The following TRIM32 variants were observed in gnomAD, a reference collection of about 807,000 sequenced individuals.
TRIM32 encodes tripartite motif containing 32, also known as E3 ubiquitin-protein ligase TRIM32.
Under a neutral mutation model 36.0 loss-of-function variants are expected in TRIM32, and 19 were observed. The observed-to-expected ratio is 0.53, with a 90% CI of 0.37 to 0.77. TRIM32 has a LOEUF of 0.77. TRIM32 is among the 30% of genes least tolerant of loss of function. The pLI, the probability that TRIM32 is intolerant of heterozygous loss-of-function variation, is 0.00. For synonymous variants in TRIM32, 309 were observed against 318.5 expected (o/e 0.97, Z 0.32); for missense variants, 747 against 845.2 (o/e 0.88, Z 1.44).
rs886043897 is a variant in TRIM32 at position 116,699,129 on chromosome 9, G to C, written c.1387G>C (p.Ala463Pro). The C allele has an allele frequency of 3.7e-6, 6 of 1,614,200 alleles. No homozygotes were observed. Among genetic ancestry groups the C allele is most frequent in the Non-Finnish European group, 5.1e-6 (6 of 1,180,024 alleles). Residue 463 changes from alanine to proline, a missense_variant, in exon 2 of 2, where the codon GCC (alanine) becomes CCC (proline). By Grantham distance (27) the Ala-to-Pro change is conservative. Transcript: ENST00000450136. This position sits in a 1 kb window ranked among gnomAD's most constrained non-coding sequence, Gnocchi z 4.2. The stretch of plus-strand genomic sequence containing the variant: ...ATATACCTTGGATGGCCACTGCGTG[G>C]CCTGTCACAGGAGCCAGCTGAGCAA... ...KVYTLDGHCV[A>P]CHRSQLSKPW...
intron 1 of TRIM32, among the ~76,000 whole-genome samples, chr9:116,696,276 A>G (rs767493404): frequency 3.0e-4 from 45 of 152,230 alleles, no homozygotes; most frequent in Non-Finnish European, 5.4e-4. Context: ...TCTAAGGATA[A>G]TAAAAAAGAG....
At position 116,698,207 on chromosome 9, in the gene TRIM32, T is replaced by G. The variant is rs749537116; in HGVS notation, c.465T>G (p.Arg155=). The G allele has an allele frequency of 6.2e-7, 1 of 1,614,152 alleles. No homozygotes were observed. The change falls in exon 2 of 2, where the codon CGT becomes CGG. Residue 155 remains arginine, a synonymous_variant. Coordinates refer to ENST00000450136, the MANE Select transcript of TRIM32 (RefSeq NM_012210.4). The surrounding 1 kb of genome is among the most constrained non-coding windows in gnomAD (Gnocchi z 4.4). ...RRRDFGEKLT[R]LRELMGELQR... The stretch of plus-strand genomic sequence containing the variant: ...GGGACTTTGGAGAGAAGTTAACTCG[T>G]CTGCGGGAACTTATGGGGGAGCTGC...
chr9:116,700,959 A>AAGGTTTAGAGTCACCAATACCCTATTCTG lies in TRIM32; in HGVS notation c.*1258_*1286dup, dbSNP rs2132079144. 1 of 167,188 alleles carries AAGGTTTAGAGTCACCAATACCCTATTCTG rather than the reference A, an allele frequency of 6.0e-6. No individual in the cohort carries two copies. The highest frequency in any genetic ancestry group is 1.5e-5 in the Non-Finnish European group (1 of 68,112). The allele number at this position is 167,188 out of a possible 1,614,324, so 10.4% of individuals were successfully genotyped here. On this transcript the variant is annotated 3_prime_UTR_variant, in exon 2 of 2. Transcript: ENST00000450136. ...ATACATGTGTACAGAATCATCCCCCAAGGTTTAGAGTCACCAATACCCTAT... is the reference window on the plus strand; with the variant it reads ...ATACATGTGTACAGAATCATCCCCCAAGGTTTAGAGTCACCAATACCCTATTCTGAGGTTTAGAGTCACCAATACCCTAT...
intron 1 of TRIM32, among the ~76,000 whole-genome samples, chr9:116,689,288 C>T (rs534126880): frequency 4.6e-5 from 7 of 152,186 alleles, no homozygotes; most frequent in Non-Finnish European, 1.0e-4. Flanking sequence ...CACCCAGTGC[C>T]TTGGCTCTTC....
At position 116,698,950 on chromosome 9, in the gene TRIM32, T is replaced by G; in HGVS notation, c.1208T>G (p.Phe403Cys). The change falls in exon 2 of 2, where the codon TTT becomes TGT. Residue 403 changes from phenylalanine to cysteine, a missense_variant. Phe to Cys is a radical substitution (Grantham distance 205, BLOSUM62 -2). Transcript: ENST00000450136. The surrounding 1 kb of genome is among the most constrained non-coding windows in gnomAD (Gnocchi z 4.4). ...YRIQVFTRKGFLKEIRRSPSG... is the reference protein window; with the variant it reads ...YRIQVFTRKGCLKEIRRSPSG... ...ATACAAGTCTTTACCCGCAAAGGCT[T>G]TTTGAAGGAAATCCGCCGCAGCCCC... 1 of 1,614,168 alleles carries G rather than the reference T, an allele frequency of 6.2e-7. No homozygotes were observed. Among genetic ancestry groups the G allele is most frequent in the African/African-American group, 1.3e-5 (1 of 75,046 alleles).
In TRIM32 at chr9:116,697,852, T is replaced by C. The variant is rs775576184; in HGVS notation, c.110T>C (p.Leu37Pro). 6.2e-7 allele frequency: 1 copy of C among 1,614,232 alleles called. No individual in the cohort carries two copies. Among genetic ancestry groups the C allele is most frequent in the Non-Finnish European group, 8.5e-7 (1 of 1,180,048 alleles). Residue 37 changes from leucine to proline, a missense_variant, in exon 2 of 2, where the codon CTG becomes CCG. Transcript: ENST00000450136. ...FTEEQLRPKL[L>P]HCGHTICRQC... ...GAAGAGCAGCTGCGTCCCAAGCTTC[T>C]GCACTGTGGCCATACCATCTGCCGC...
In TRIM32 at chr9:116,697,849, T is replaced by G; in HGVS notation, c.107T>G (p.Leu36Arg). 6.2e-7 allele frequency: 1 copy of G among 1,614,194 alleles called. No homozygotes were observed. The highest frequency in any genetic ancestry group is 8.5e-7 in the Non-Finnish European group (1 of 1,180,042). Residue 36 changes from leucine to arginine, a missense_variant, in exon 2 of 2, where the codon CTT becomes CGT. Transcript: ENST00000450136. ...SFTEEQLRPK[L>R]LHCGHTICRQ... ...ACAGAAGAGCAGCTGCGTCCCAAGC[T>G]TCTGCACTGTGGCCATACCATCTGC...
In TRIM32 at chr9:116,699,128, G is replaced by A. The variant is rs762905941; in HGVS notation, c.1386G>A (p.Val462=). The part of the protein sequence containing the change: ...LKVYTLDGHC[V]ACHRSQLSKP... ...TATATACCTTGGATGGCCACTGCGT[G>A]GCCTGTCACAGGAGCCAGCTGAGCA... Residue 462 remains valine (V), a synonymous_variant, in exon 2 of 2, where the codon GTG becomes GTA. Coordinates refer to ENST00000450136, the MANE Select transcript of TRIM32 (RefSeq NM_012210.4). This position sits in a 1 kb window ranked among gnomAD's most constrained non-coding sequence, Gnocchi z 4.2. 6.8e-6 allele frequency: 11 copies of A among 1,614,072 alleles called. No homozygotes were observed. The highest frequency in any genetic ancestry group is 9.3e-6 in the Non-Finnish European group (11 of 1,180,028).
chr9:116,696,306 C>T (rs928735215), intron 1 of TRIM32, among the ~76,000 whole-genome samples: 6 of 152,146 alleles, frequency 3.9e-5, no homozygotes, highest in Non-Finnish European at 7.3e-5. Context: ...TCATTAAAGG[C>T]TTTTTTGGTG....
intron 1 of TRIM32, among the ~76,000 whole-genome samples, chr9:116,690,828 A>G (rs1860528578): frequency 6.6e-6 from 1 of 152,220 alleles, no homozygotes; most frequent in Admixed American, 6.5e-5. Context: ...ATGAGAACAT[A>G]TAAAAAAATG....
At chr9:116,688,858 AAAC>A (rs1244028202) in intron 1 of TRIM32, among the ~76,000 whole-genome samples, 8 of 151,668 alleles carry the variant, frequency 5.3e-5, no homozygotes, top group South Asian at 2.1e-4. Context: ...GAGACAGACA[AAAC>A]AACAACAACA....
intron 1 of TRIM32, among the ~76,000 whole-genome samples, chr9:116,688,515 C>T (rs1456912800): frequency 1.3e-5 from 2 of 152,126 alleles, no homozygotes; most frequent in Non-Finnish European, 2.9e-5. Flanking sequence ...ATCTTCAGTT[C>T]AGATAATCCT....
intron 1 of TRIM32, among the ~76,000 whole-genome samples, chr9:116,694,205 A>T (rs1278805879): frequency 6.6e-6 from 1 of 152,140 alleles, no homozygotes; most frequent in African/African-American, 2.4e-5. Flanking sequence ...TTTTCAATTG[A>T]AGGAGGGATA....
rs1861090659 is a variant in TRIM32, at chr9:116,699,922, A to T, written c.*218A>T. On this transcript the variant is annotated 3_prime_UTR_variant, in exon 2 of 2. Coordinates refer to ENST00000450136, the MANE Select transcript of TRIM32 (RefSeq NM_012210.4). This position sits in a 1 kb window ranked among gnomAD's most constrained non-coding sequence, Gnocchi z 4.2. ...AGAGCTTTAAAAGATGCACTGCCCA[A>T]ATAGGACACACGATGGTGTTAGCTG... 1 of 658,778 alleles carries T rather than the reference A, an allele frequency of 1.5e-6. No individual in the cohort carries two copies. The highest frequency in any genetic ancestry group is 1.8e-5 in the African/African-American group (1 of 54,720). 40.8% of individuals were successfully genotyped at this position (658,778 alleles called of 1,614,324 possible).
Position 116,699,817 on chromosome 9 carries a change from G to T in TRIM32, c.*113G>T. Reference sequence around the variant, plus strand: ...TCAGCCTATGTCCTGATTCCAGCTGGGTAGTTCTAGAACTTCAGAAGCTCC... The same window carrying T: ...TCAGCCTATGTCCTGATTCCAGCTGTGTAGTTCTAGAACTTCAGAAGCTCC... On this transcript the variant is annotated 3_prime_UTR_variant, in exon 2 of 2. Coordinates refer to ENST00000450136, the MANE Select transcript of TRIM32 (RefSeq NM_012210.4). The surrounding 1 kb of genome is among the most constrained non-coding windows in gnomAD (Gnocchi z 4.2). 6.9e-7 allele frequency: 1 copy of T among 1,458,032 alleles called. No homozygotes were observed. The highest frequency in any genetic ancestry group is 1.8e-5 in the Admixed American group (1 of 54,078). 90.3% of individuals were successfully genotyped at this position (1,458,032 alleles called of 1,614,324 possible). A position where few individuals can be genotyped will look rare whatever the true frequency, so the allele number is the denominator to read the frequency against.
intron 1 of TRIM32, among the ~76,000 whole-genome samples, chr9:116,694,153 C>A (rs1041914133): frequency 6.6e-6 from 1 of 152,110 alleles, no homozygotes; most frequent in Non-Finnish European, 1.5e-5. Context: ...ATAGTAAATT[C>A]ATTTTTTTAA....
chr9:116,695,416 G>C (rs545515832), intron 1 of TRIM32, among the ~76,000 whole-genome samples: 1 of 152,180 alleles, frequency 6.6e-6, no homozygotes, highest in South Asian at 2.1e-4. Flanking sequence ...TTAGATAATT[G>C]TGCATGTCTG....
chr9:116,700,686 A>G lies in TRIM32; in HGVS notation c.*982A>G, dbSNP rs1451632345. On this transcript the variant is annotated 3_prime_UTR_variant, in exon 2 of 2. Transcript: ENST00000450136. ...TGTTTTCCTCAAGTCAGTACATACT[A>G]TTTGGTTTCAGGATTTCTTTCCATT... 1 of 166,926 alleles carries G rather than the reference A, an allele frequency of 6.0e-6. No homozygotes were observed. The highest frequency in any genetic ancestry group is 1.9e-4 in the East Asian group (1 of 5,198). 10.3% of individuals were successfully genotyped at this position (166,926 alleles called of 1,614,324 possible). A position where few individuals can be genotyped will look rare whatever the true frequency, so the allele number is the denominator to read the frequency against.
chr9:116,699,616 C>T lies in TRIM32; in HGVS notation c.1874C>T (p.Thr625Ile), dbSNP rs1861074314. The T allele has an allele frequency of 1.2e-6, 2 of 1,614,180 alleles. No homozygotes were observed. Among genetic ancestry groups the T allele is most frequent in the Non-Finnish European group, 1.7e-6 (2 of 1,180,028 alleles). The change falls in exon 2 of 2, where the codon ACT becomes ATT. Residue 625 changes from threonine to isoleucine, a missense_variant. Coordinates refer to ENST00000450136, the MANE Select transcript of TRIM32 (RefSeq NM_012210.4). The surrounding 1 kb of genome is among the most constrained non-coding windows in gnomAD (Gnocchi z 4.2). Reference protein sequence around the residue: ...GLTCPVGIALTPKGQLLVLDC... With the variant: ...GLTCPVGIALIPKGQLLVLDC... ...ACCTGTCCGGTGGGCATAGCCCTAA[C>T]TCCTAAGGGGCAGCTGCTGGTCTTG...
Sources: allele counts gnomAD v4.1 joint callset (sites outside exome capture counted in the v4.1 genomes callset), GRCh38; gene constraint gnomAD v4.1.1; non-coding constraint Gnocchi (gnomAD v3.1); transcripts MANE v1.5; gene names NCBI Gene and HGNC (gene_info 2026-07-23, HGNC 2026-07-21).